Variants in GPC6 observed in about 807,000 individuals in gnomAD.
The protein encoded by GPC6 is glypican-6.
GPC6 carries 14 observed loss-of-function variants against 55.2 expected under a neutral mutation model. That is an observed-to-expected ratio of 0.25 (90% CI 0.17 to 0.40). GPC6 has a LOEUF of 0.40. Among genes scored for constraint, GPC6 ranks in the 10% least tolerant of loss-of-function variants. The pLI is 1.00. For missense variants in GPC6, 641 were observed against 708.5 expected (o/e 0.90, Z 1.08); for synonymous variants, 278 against 259.6 (o/e 1.07, Z -0.68).
At chr13:93,801,720 G>A (rs1279371773) in intron 2 of GPC6, among the ~76,000 whole-genome samples, 4 of 152,150 alleles carry the variant, frequency 2.6e-5, no homozygotes, top group Non-Finnish European at 4.4e-5. Flanking sequence ...TTTCATGTTG[G>A]TTTATTGAAG....
At chr13:94,048,441 A>C (rs1883808154) in intron 4 of GPC6, among the ~76,000 whole-genome samples, 1 of 151,972 alleles carries the variant, frequency 6.6e-6, no homozygotes, top group Non-Finnish European at 1.5e-5. Context: ...CTTGCAAGTA[A>C]AAAAAATTAA....
intron 1 of GPC6, among the ~76,000 whole-genome samples, chr13:93,347,559 C>A (rs1880473119): frequency 6.6e-6 from 1 of 152,086 alleles, no homozygotes; most frequent in Non-Finnish European, 1.5e-5. Context: ...CGGGAAGCCC[C>A]AACATCGAGT....
chr13:93,850,907 G>C (rs1488687707), intron 3 of GPC6, among the ~76,000 whole-genome samples: 1 of 151,950 alleles, frequency 6.6e-6, no homozygotes, highest in Non-Finnish European at 1.5e-5. Context: ...CTGAAGTATA[G>C]TTTCAGGACT....
intron 4 of GPC6, among the ~76,000 whole-genome samples, chr13:94,223,808 T>C (rs1890460596): frequency 1.3e-5 from 2 of 152,128 alleles, no homozygotes; most frequent in South Asian, 4.1e-4. Flanking sequence ...TCATGGATTC[T>C]CTATTTGCAA....
chr13:93,412,881 C>T (rs1052337981), intron 1 of GPC6, among the ~76,000 whole-genome samples: 6 of 152,070 alleles, frequency 3.9e-5, no homozygotes, highest in African/African-American at 1.4e-4. Context: ...ACTTTTTACC[C>T]CCTCCCACAG....
intron 4 of GPC6, among the ~76,000 whole-genome samples, chr13:94,165,660 A>G (rs1339335452): frequency 6.6e-6 from 1 of 152,170 alleles, no homozygotes; most frequent in Non-Finnish European, 1.5e-5. Flanking sequence ...TTTTTTTTAA[A>G]TTATATCCAT....
chr13:93,989,909 T>C (rs899028936), intron 3 of GPC6, among the ~76,000 whole-genome samples: 2 of 132,322 alleles, frequency 1.5e-5, no homozygotes, highest in African/African-American at 5.3e-5. Flanking sequence ...TGTGTATATA[T>C]ATATACACAC....
chr13:93,506,446 G>A (rs965988539), intron 1 of GPC6, among the ~76,000 whole-genome samples: 7 of 152,144 alleles, frequency 4.6e-5, no homozygotes, highest in African/African-American at 1.7e-4. Context: ...ATACTAGCAT[G>A]TCCGGAAGTC....
At chr13:93,334,426 T>C (rs1371803868) in intron 1 of GPC6, among the ~76,000 whole-genome samples, 2 of 152,110 alleles carry the variant, frequency 1.3e-5, no homozygotes, top group African/African-American at 2.4e-5. Context: ...ATATAATAAT[T>C]TGGGGGAGAA....
chr13:94,138,814 G>T (rs1887272140), intron 4 of GPC6, among the ~76,000 whole-genome samples: 1 of 152,254 alleles, frequency 6.6e-6, no homozygotes, highest in Non-Finnish European at 1.5e-5. Context: ...AAGCTCTCCT[G>T]TACTGAGTAC....
At chr13:94,356,635 T>G (rs577910740) in intron 6 of GPC6, among the ~76,000 whole-genome samples, 2 of 152,316 alleles carry the variant, frequency 1.3e-5, no homozygotes, top group African/African-American at 4.8e-5. Context: ...GAGCCATCAC[T>G]CCTGGTGAAG....
chr13:93,807,566 C>A (rs73549555), intron 2 of GPC6, among the ~76,000 whole-genome samples: 4,975 of 152,244 alleles, frequency 0.033, 102 homozygotes, highest in South Asian at 0.067. Flanking sequence ...CAAGAACTTA[C>A]ATTCCAACAA....
intron 2 of GPC6, among the ~76,000 whole-genome samples, chr13:93,551,018 G>A (rs111417309): frequency 2.0e-4 from 30 of 152,134 alleles, no homozygotes; most frequent in African/African-American, 7.2e-4. Context: ...AAAGAGGAGG[G>A]AGGAAAGTTT....
Position 93,797,355 on chromosome 13 carries a change from A to G in GPC6, c.320-32799A>G, listed in dbSNP as rs371747552. Among the ~76,000 whole-genome samples, 20 of 152,280 alleles carry G rather than the reference A, an allele frequency of 1.3e-4. No individual in the cohort carries two copies. The East Asian group carries it at 3.9e-3, about 29-fold the overall frequency. On this transcript the variant is annotated intron_variant, in intron 2 of 8. Coordinates refer to ENST00000377047, the MANE Select transcript of GPC6 (RefSeq NM_005708.5). ...GAGGTTAGACAAAGCTAAGGCAAGAAACCAACTGAGAACAGATATTTTATC... is the reference window on the plus strand; with the variant it reads ...GAGGTTAGACAAAGCTAAGGCAAGAGACCAACTGAGAACAGATATTTTATC...
intron 6 of GPC6, among the ~76,000 whole-genome samples, chr13:94,338,768 G>A (rs913770005): frequency 6.6e-6 from 1 of 152,200 alleles, no homozygotes; most frequent in Non-Finnish European, 1.5e-5. Flanking sequence ...GTAAACCCAT[G>A]TAAAATGCCT....
chr13:94,126,518 A>G (rs1886820913), intron 4 of GPC6, among the ~76,000 whole-genome samples: 1 of 152,182 alleles, frequency 6.6e-6, no homozygotes, highest in African/African-American at 2.4e-5. Context: ...ACCAGGAAAA[A>G]GTTGAACTGC....
chr13:93,694,055 A>C (rs1200620335), intron 2 of GPC6, among the ~76,000 whole-genome samples: 1 of 152,172 alleles, frequency 6.6e-6, no homozygotes, highest in East Asian at 1.9e-4. Context: ...AGCATGCCTG[A>C]TATAATTATA....
chr13:94,085,450 A>G (rs1885249706), intron 4 of GPC6, among the ~76,000 whole-genome samples: 1 of 152,140 alleles, frequency 6.6e-6, no homozygotes, highest in Non-Finnish European at 1.5e-5. Context: ...GGATGACCCA[A>G]CTTGCATTGC....
chr13:94,310,779 T>G (rs1362149227), intron 6 of GPC6, among the ~76,000 whole-genome samples: 1 of 152,154 alleles, frequency 6.6e-6, no homozygotes, highest in Non-Finnish European at 1.5e-5. Context: ...GGCCAAGTTT[T>G]CAATCTAATC....
Sources: allele counts gnomAD v4.1 joint callset (sites outside exome capture counted in the v4.1 genomes callset), GRCh38; gene constraint gnomAD v4.1.1; transcripts MANE v1.5; gene names NCBI Gene and HGNC (gene_info 2026-07-23, HGNC 2026-07-21).